The following HPSE2 variants were observed in gnomAD, a reference collection of about 807,000 sequenced individuals.
HPSE2 encodes the protein inactive heparanase-2.
Under a neutral mutation model 60.5 loss-of-function variants are expected in HPSE2, and 38 were observed. The observed-to-expected ratio is 0.63, with a 90% CI of 0.48 to 0.82. The LOEUF is 0.82. Among genes scored for constraint, HPSE2 ranks in the 40% least tolerant of loss-of-function variants. HPSE2 has a pLI of 0.00. For missense variants in HPSE2, 713 were observed against 740.4 expected (o/e 0.96, Z 0.43); for synonymous variants, 295 against 293.2 (o/e 1.01, Z -0.06).
chr10:98,748,079 A>G (rs537404879), intron 3 of HPSE2, among the ~76,000 whole-genome samples: 4 of 152,270 alleles, frequency 2.6e-5, no homozygotes, highest in African/African-American at 9.6e-5. Context: ...TGGGTGAATC[A>G]TCTGAAGTCA....
intron 3 of HPSE2, among the ~76,000 whole-genome samples, chr10:99,031,878 C>G (rs1025746866): frequency 6.6e-6 from 1 of 152,088 alleles, no homozygotes; most frequent in Non-Finnish European, 1.5e-5. Context: ...GCACTTTTTA[C>G]GTTTATATAG....
At chr10:98,970,064 C>A (rs183327095) in intron 3 of HPSE2, among the ~76,000 whole-genome samples, 1 of 151,830 alleles carries the variant, frequency 6.6e-6, no homozygotes, top group Non-Finnish European at 1.5e-5. Context: ...CAGGTTCAAG[C>A]GATTCTCCTG....
In HPSE2 at chr10:98,949,250, GCA is replaced by G. The variant is rs35314282; in HGVS notation, c.610+194986_610+194987del. ...AACACGCACACGCACACGCATGCGT[GCA>G]CACACACACACACACACACACACAA... On this transcript the variant is annotated intron_variant, in intron 3 of 11. Transcript: ENST00000370552. 8.7e-3 allele frequency among the ~76,000 whole-genome samples: 1,319 copies of G among 150,932 alleles called. 7 individuals carry two copies. The highest frequency in any genetic ancestry group is 0.024 in the Middle Eastern group (7 of 294).
intron 6 of HPSE2, among the ~76,000 whole-genome samples, chr10:98,681,452 T>C (rs898115680): frequency 1.3e-5 from 2 of 152,212 alleles, no homozygotes; most frequent in Non-Finnish European, 2.9e-5. Context: ...TATAAAATCA[T>C]GCATGGGTAA....
At chr10:99,248,181 G>A in the HPSE2 span, among the ~76,000 whole-genome samples, 1 of 152,194 alleles carries the variant, frequency 6.6e-6, no homozygotes, top group South Asian at 2.1e-4. Flanking sequence ...GGGCTCAGAA[G>A]CAGACAGGAA....
intron 4 of HPSE2, among the ~76,000 whole-genome samples, chr10:98,723,606 G>C (rs913028157): frequency 2.0e-5 from 3 of 152,128 alleles, no homozygotes; most frequent in African/African-American, 7.2e-5. Context: ...GACATTTTCT[G>C]ATTGCTAAGC....
Position 98,782,577 on chromosome 10 carries a change from T to TGTTAGAGAAGA in HPSE2, c.611-38532_611-38522dup, listed in dbSNP as rs1221102526. On this transcript the variant is annotated intron_variant, in intron 3 of 11. Coordinates refer to ENST00000370552, the MANE Select transcript of HPSE2 (RefSeq NM_021828.5). Reference sequence around the variant, plus strand: ...AAACATCCAAGAATATTCAAGACTGTGTTAGAGAAGAAATGAAGTTGAAGA... The same window carrying TGTTAGAGAAGA: ...AAACATCCAAGAATATTCAAGACTGTGTTAGAGAAGAGTTAGAGAAGAAATGAAGTTGAAGA... 4.9e-5 allele frequency among the ~76,000 whole-genome samples: 6 copies of TGTTAGAGAAGA among 121,510 alleles called. 2 individuals are homozygous for TGTTAGAGAAGA. Among genetic ancestry groups the TGTTAGAGAAGA allele is most frequent in the African/African-American group, 2.0e-4 (6 of 30,760 alleles). 79.7% of individuals were successfully genotyped at this position (121,510 alleles called of 152,430 possible).
intron 9 of HPSE2, among the ~76,000 whole-genome samples, chr10:98,534,233 T>C (rs1943214296): frequency 6.6e-6 from 1 of 152,178 alleles, no homozygotes; most frequent in Non-Finnish European, 1.5e-5. Context: ...CCTTCCCACT[T>C]GGTGCTTCAA....
intron 3 of HPSE2, among the ~76,000 whole-genome samples, chr10:98,989,600 A>G (rs1956471212): frequency 6.6e-6 from 1 of 151,972 alleles, no homozygotes; most frequent in South Asian, 2.1e-4. Context: ...TACATATGTA[A>G]CAAACCTGCA....
chr10:98,471,772 T>C lies in HPSE2; in HGVS notation c.1613+10864A>G, dbSNP rs186398854. Among the ~76,000 whole-genome samples the C allele has an allele frequency of 9.6e-4, 147 of 152,342 alleles. 1 individual carries two copies. The Middle Eastern group carries it at 0.01, about 11-fold the overall frequency. ...AAATCAGATGAAGCATCAGCGCTGA[T>C]AGCCAACTCTGTGTTTCTTGAACAC... is the stretch of plus-strand genomic sequence containing the variant. On this transcript the variant is annotated intron_variant, in intron 11 of 11. Coordinates refer to ENST00000370552, the MANE Select transcript of HPSE2 (RefSeq NM_021828.5).
chr10:98,574,133 G>A (rs1166632234), intron 9 of HPSE2, among the ~76,000 whole-genome samples: 1 of 151,936 alleles, frequency 6.6e-6, no homozygotes, highest in Non-Finnish European at 1.5e-5. Flanking sequence ...TGTATAAGTG[G>A]AATCATAACA....
intron 6 of HPSE2, among the ~76,000 whole-genome samples, chr10:98,642,654 T>C (rs1032473307): frequency 6.6e-6 from 1 of 152,206 alleles, no homozygotes; most frequent in Admixed American, 6.5e-5. Flanking sequence ...ATGTTGTAAA[T>C]ATTTGACCAA....
intron 3 of HPSE2, among the ~76,000 whole-genome samples, chr10:98,909,773 A>G (rs928427804): frequency 6.6e-6 from 1 of 152,174 alleles, no homozygotes; most frequent in Non-Finnish European, 1.5e-5. Context: ...AGTGTTTATT[A>G]TAAGGTTACT....
At chr10:98,861,850 T>A (rs1952465395) in intron 3 of HPSE2, among the ~76,000 whole-genome samples, 1 of 152,108 alleles carries the variant, frequency 6.6e-6, no homozygotes, top group Non-Finnish European at 1.5e-5. Context: ...CAGGCTTGTA[T>A]CACCAATGGT....
At chr10:98,955,227 C>T (rs1955475090) in intron 3 of HPSE2, among the ~76,000 whole-genome samples, 1 of 151,970 alleles carries the variant, frequency 6.6e-6, no homozygotes, top group Non-Finnish European at 1.5e-5. Flanking sequence ...GGTCTAATAT[C>T]TAGAATCTAC....
intron 2 of HPSE2, among the ~76,000 whole-genome samples, chr10:99,186,803 G>A (rs1347483072): frequency 6.6e-6 from 1 of 152,012 alleles, no homozygotes; most frequent in Non-Finnish European, 1.5e-5. Context: ...GTGAGACAGG[G>A]TCTCATTCTG....
chr10:98,579,055 A>G (rs1944717719), intron 9 of HPSE2, among the ~76,000 whole-genome samples: 1 of 151,944 alleles, frequency 6.6e-6, no homozygotes, highest in African/African-American at 2.4e-5. Context: ...TCCCAGATCT[A>G]TACCAATTAG....
chr10:98,736,064 T>C (rs957050048), intron 4 of HPSE2, among the ~76,000 whole-genome samples: 10 of 152,128 alleles, frequency 6.6e-5, no homozygotes, highest in Admixed American at 2.6e-4. Context: ...CTCATCTTAA[T>C]TGTAGCTTCC....
At chr10:98,521,698 G>A (rs927273961) in intron 9 of HPSE2, among the ~76,000 whole-genome samples, 11 of 152,138 alleles carry the variant, frequency 7.2e-5, no homozygotes, top group South Asian at 2.1e-4. Flanking sequence ...CGATTATTGC[G>A]GCACTCTTCA....
Sources: allele counts gnomAD v4.1 joint callset (sites outside exome capture counted in the v4.1 genomes callset), GRCh38; gene constraint gnomAD v4.1.1; transcripts MANE v1.5; gene names NCBI Gene and HGNC (gene_info 2026-07-23, HGNC 2026-07-21).